Variants in TENT4A observed in about 807,000 individuals in gnomAD.
TENT4A encodes the protein terminal nucleotidyltransferase 4A, also known as DNA polymerase kappa.
A neutral mutation model predicts 72.8 loss-of-function variants in TENT4A; 7 were observed. That is an observed-to-expected ratio of 0.10 (90% confidence interval 0.05 to 0.18). The LOEUF is 0.18. Among genes scored for constraint, TENT4A ranks in the 10% least tolerant of loss-of-function variants. The pLI, the probability that TENT4A is intolerant of heterozygous loss-of-function variation, is 1.00. For missense variants in TENT4A, 831 were observed against 1,017.7 expected (o/e 0.82, Z 2.50); for synonymous variants, 456 against 434.3 (o/e 1.05, Z -0.62).
intron 2 of TENT4A, among the ~76,000 whole-genome samples, chr5:6,737,856 G>A (rs1183243553): frequency 2.0e-5 from 3 of 151,700 alleles, no homozygotes; most frequent in Non-Finnish European, 4.4e-5. Flanking sequence ...GCACATCTTC[G>A]TGATGCTGGC....
At chr5:6,754,639 A>G (rs575314996) in intron 12 of TENT4A, 112 bp from the exon 13 acceptor site, 2 of 721,780 alleles carry the variant, frequency 2.8e-6, no homozygotes, top group South Asian at 3.3e-5. Context: ...GCAGGTGTCC[A>G]TCCCTGCTCT....
chr5:6,755,661 A>G lies in TENT4A; in HGVS notation c.*716A>G, dbSNP rs995542218. The G allele has an allele frequency of 1.3e-5, 2 of 152,350 alleles. No individual in the cohort carries two copies. Among genetic ancestry groups the G allele is most frequent in the Non-Finnish European group, 2.9e-5 (2 of 68,038 alleles). 9.4% of individuals were successfully genotyped at this position (152,350 alleles called of 1,614,324 possible). On this transcript the variant is annotated 3_prime_UTR_variant, in exon 13 of 13. Coordinates refer to ENST00000230859, the MANE Select transcript of TENT4A (RefSeq NM_006999.6). ...ATGTCTTTTCTTTTGGTCGGAAGTGAGTGAAGGAGCCAGGTCGCCCTGAAG... is the reference window on the plus strand; with the variant it reads ...ATGTCTTTTCTTTTGGTCGGAAGTGGGTGAAGGAGCCAGGTCGCCCTGAAG...
chr5:6,750,225 A>G, intron 9 of TENT4A, 106 bp from the exon 10 acceptor site: 1 of 756,932 alleles, frequency 1.3e-6, no homozygotes, highest in Non-Finnish European at 2.0e-6. Context: ...TTTGTTAGTC[A>G]CATTAGCAGC....
At chr5:6,729,017 T>C (rs893379537) in intron 1 of TENT4A, among the ~76,000 whole-genome samples, 11 of 152,242 alleles carry the variant, frequency 7.2e-5, no homozygotes, top group Non-Finnish European at 1.5e-4. Flanking sequence ...AAAAGCTCTT[T>C]TAAACAACTT....
chr5:6,749,139 A>G (rs1453731062), intron 8 of TENT4A, among the ~76,000 whole-genome samples: 1 of 152,152 alleles, frequency 6.6e-6, no homozygotes, highest in Non-Finnish European at 1.5e-5. Flanking sequence ...CAGCCGCTGC[A>G]GGTGCTGGTG....
intron 2 of TENT4A, 59 bp downstream of exon 2, chr5:6,737,692 C>T (rs937164179): frequency 4.5e-6 from 7 of 1,554,172 alleles, no homozygotes; most frequent in Non-Finnish European, 6.1e-6. Context: ...TTTAAATACC[C>T]TGTGATGATG....
At chr5:6,746,935 G>A (rs1055048443) in intron 7 of TENT4A, among the ~76,000 whole-genome samples, 1 of 152,174 alleles carries the variant, frequency 6.6e-6, no homozygotes. Context: ...CGTGAGGATT[G>A]CCGCATTGAA....
rs960081425 is a variant in TENT4A at position 6,756,638 on chromosome 5, G to C, written c.*1693G>C. 2.0e-5 allele frequency: 3 copies of C among 152,576 alleles called. No homozygotes were observed. Among genetic ancestry groups the C allele is most frequent in the Admixed American group, 1.3e-4 (2 of 15,292 alleles). The allele number at this position is 152,576 out of a possible 1,614,324, so 9.5% of individuals were successfully genotyped here. A position where few individuals can be genotyped will look rare whatever the true frequency, so the allele number is the denominator to read the frequency against. ...AATAGAGTAGCACACTGTGTCTGCA[G>C]TTCTCGATGACCGAAAGTTATCAAA... On this transcript the variant is annotated 3_prime_UTR_variant, in exon 13 of 13. Transcript: ENST00000230859.
rs1395057155 is a variant in TENT4A at position 6,726,385 on chromosome 5, CTA to C, written c.717-11124_717-11123del. 3.3e-5 allele frequency among the ~76,000 whole-genome samples: 5 copies of C among 152,256 alleles called. 1 individual carries two copies. The highest frequency in any genetic ancestry group is 4.1e-4 in the South Asian group (2 of 4,826). ...TTCCCGGGACTGCTGCCTGAGATTT[CTA>C]AGTTCCTAATGTGGTTCATGCTTCT... On this transcript the variant is annotated intron_variant, in intron 1 of 12. Transcript: ENST00000230859.
At chr5:6,736,303 C>T (rs1741490023) in intron 1 of TENT4A, among the ~76,000 whole-genome samples, 1 of 152,176 alleles carries the variant, frequency 6.6e-6, no homozygotes, top group Admixed American at 6.5e-5. Flanking sequence ...TAACCTTACA[C>T]AAGAGCCAAA....
At chr5:6,744,488 C>G (rs1741977403) in intron 6 of TENT4A, among the ~76,000 whole-genome samples, 1 of 152,142 alleles carries the variant, frequency 6.6e-6, no homozygotes, top group Admixed American at 6.5e-5. Context: ...AAAATCTTGC[C>G]TATATAATTT....
At chr5:6,747,140 A>G (rs1020391846) in intron 7 of TENT4A, among the ~76,000 whole-genome samples, 3 of 152,204 alleles carry the variant, frequency 2.0e-5, no homozygotes, top group Admixed American at 1.3e-4. Flanking sequence ...GAATTCCACA[A>G]ATTTTGATTG....
chr5:6,753,601 A>G (rs1174113392), intron 12 of TENT4A, among the ~76,000 whole-genome samples: 10 of 152,222 alleles, frequency 6.6e-5, no homozygotes, highest in African/African-American at 2.4e-4. Context: ...TTCTTGAAGT[A>G]CCTGAATGAT....
At chr5:6,716,370 A>G (rs1198042146) in intron 1 of TENT4A, among the ~76,000 whole-genome samples, 4 of 152,150 alleles carry the variant, frequency 2.6e-5, no homozygotes, top group Non-Finnish European at 5.9e-5. Flanking sequence ...TCAGTTGTGC[A>G]GGTCCCCTCT....
At chr5:6,725,149 A>G (rs1010567288) in intron 1 of TENT4A, among the ~76,000 whole-genome samples, 1 of 152,160 alleles carries the variant, frequency 6.6e-6, no homozygotes, top group Non-Finnish European at 1.5e-5. Context: ...GTAAAACCCC[A>G]TCTCTACTAA....
chr5:6,714,520 G>C lies in TENT4A; in HGVS notation c.537G>C (p.Ser179=), dbSNP rs2126586924. The C allele has an allele frequency of 8.4e-7, 1 of 1,191,378 alleles. No homozygotes were observed. Among genetic ancestry groups the C allele is most frequent in the African/African-American group, 1.6e-5 (1 of 62,702 alleles). 73.8% of individuals were successfully genotyped at this position (1,191,378 alleles called of 1,614,324 possible). ...PRGPAPAGSP[S]QHQFHPGRRK... ...GCCCCGCGCCCGCCGGCTCCCCGTC[G>C]CAGCACCAGTTCCACCCGGGTCGCC... Residue 179 remains serine (S), a synonymous_variant, in exon 1 of 13, where the codon TCG becomes TCC. Coordinates refer to ENST00000230859, the MANE Select transcript of TENT4A (RefSeq NM_006999.6).
chr5:6,740,309 A>G (rs1741733780), intron 4 of TENT4A, among the ~76,000 whole-genome samples: 1 of 152,232 alleles, frequency 6.6e-6, no homozygotes, highest in Non-Finnish European at 1.5e-5. Context: ...ATATACATAT[A>G]TGAAAAGCCT....
intron 1 of TENT4A, among the ~76,000 whole-genome samples, chr5:6,733,966 A>G (rs274694): frequency 0.36 from 55,131 of 152,150 alleles, 10,055 homozygotes; most frequent in South Asian, 0.45. Context: ...TAACAAATCA[A>G]ATTATTCATT....
intron 1 of TENT4A, among the ~76,000 whole-genome samples, chr5:6,718,161 C>T (rs1038143976): frequency 3.0e-4 from 46 of 152,342 alleles, no homozygotes; most frequent in African/African-American, 9.9e-4. Context: ...AAATTCTGTT[C>T]TTAGTTTGAA....
Sources: gnomAD v4.1 joint callset for allele counts (sites outside exome capture counted in the v4.1 genomes callset) on GRCh38, gnomAD v4.1.1 for gene constraint, MANE v1.5 for transcripts, NCBI Gene and HGNC (gene_info 2026-07-23, HGNC 2026-07-21) for gene names.